Variants in TENM3 observed in about 807,000 individuals in gnomAD.
The protein encoded by TENM3 is teneurin transmembrane protein 3.
Under a neutral mutation model 255.1 loss-of-function variants are expected in TENM3, and 63 were observed. The ratio of observed to expected loss-of-function variants is 0.25; its 90% confidence interval spans 0.20 to 0.30. The LOEUF (loss-of-function observed/expected upper bound fraction) is 0.30, where lower values mean the gene tolerates loss of function less well. Among genes scored for constraint, TENM3 ranks in the 10% least tolerant of loss-of-function variants. The probability of loss-of-function intolerance (pLI) is 1.00; values close to 1 mark genes in which losing one functional copy is unlikely to be tolerated. For synonymous variants in TENM3, 1,306 were observed against 1,322.3 expected, an observed-to-expected ratio of 0.99 and a Z score of 0.27; for missense variants, 2,929 against 3,461.1, an observed-to-expected ratio of 0.85 and a Z score of 3.86.
the TENM3 span, among the ~76,000 whole-genome samples, chr4:181,477,175 C>T: frequency 6.6e-6 from 1 of 152,076 alleles, no homozygotes; most frequent in Non-Finnish European, 1.5e-5. Flanking sequence ...TCCCTTCCAC[C>T]ACCGGCTAGT....
At chr4:182,704,487 T>G (rs1423886385) in intron 12 of TENM3, among the ~76,000 whole-genome samples, 1 of 152,262 alleles carries the variant, frequency 6.6e-6, no homozygotes, top group Admixed American at 6.5e-5. Context: ...CAGTGCTGAC[T>G]TTATAAAATG....
the TENM3 span, among the ~76,000 whole-genome samples, chr4:181,557,092 T>A: frequency 6.6e-6 from 1 of 152,300 alleles, no homozygotes; most frequent in Non-Finnish European, 1.5e-5. Flanking sequence ...TGTGCAAATT[T>A]GCAACAGGTA....
At chr4:182,522,932 CCCTT>C (rs1290294172) in intron 3 of TENM3, among the ~76,000 whole-genome samples, 1 of 152,170 alleles carries the variant, frequency 6.6e-6, no homozygotes, top group Non-Finnish European at 1.5e-5. Flanking sequence ...GTGAGCATTT[CCCTT>C]CCTTCGCATC....
At chr4:182,236,090 G>A (rs1756887138) in intron 1 of TENM3, among the ~76,000 whole-genome samples, 1 of 152,174 alleles carries the variant, frequency 6.6e-6, no homozygotes, top group Non-Finnish European at 1.5e-5. Flanking sequence ...AGAAACGGGA[G>A]CAGAGTCCCT....
intron 1 of TENM3, among the ~76,000 whole-genome samples, chr4:182,174,983 C>G (rs1198610033): frequency 6.6e-6 from 1 of 151,830 alleles, no homozygotes; most frequent in Non-Finnish European, 1.5e-5. Flanking sequence ...GAAAAAAAAT[C>G]CTTTAAAGGC....
the TENM3 span, among the ~76,000 whole-genome samples, chr4:181,462,577 T>C: frequency 6.6e-6 from 1 of 152,236 alleles, no homozygotes; most frequent in South Asian, 2.1e-4. Context: ...TGCCTGGTTT[T>C]CAAATTTTTT....
At chr4:182,735,899 G>A (rs1389239474) in intron 16 of TENM3, among the ~76,000 whole-genome samples, 2 of 152,194 alleles carry the variant, frequency 1.3e-5, no homozygotes, top group Admixed American at 6.5e-5. Flanking sequence ...ACACTGACTG[G>A]TAATCTATGG....
At chr4:181,961,483 G>A in the TENM3 span, among the ~76,000 whole-genome samples, 3 of 152,014 alleles carry the variant, frequency 2.0e-5, no homozygotes, top group Admixed American at 6.6e-5. Context: ...CGTAGTGTGC[G>A]ATCTCGACTC....
the TENM3 span, among the ~76,000 whole-genome samples, chr4:181,768,306 G>C: frequency 6.6e-6 from 1 of 152,152 alleles, no homozygotes; most frequent in South Asian, 2.1e-4. Flanking sequence ...TAGGGGCCCG[G>C]GATGACGCTA....
chr4:181,556,444 TTTAA>T, the TENM3 span, among the ~76,000 whole-genome samples: 2 of 152,300 alleles, frequency 1.3e-5, no homozygotes, highest in South Asian at 4.1e-4. Flanking sequence ...ATTTATAAAC[TTTAA>T]TTAACATTGA....
At chr4:182,522,108 T>C (rs2151788201) in intron 3 of TENM3, among the ~76,000 whole-genome samples, 1 of 152,368 alleles carries the variant, frequency 6.6e-6, no homozygotes, top group Admixed American at 6.5e-5. Flanking sequence ...TTGATGCATG[T>C]GTACAATGTG....
the TENM3 span, among the ~76,000 whole-genome samples, chr4:182,115,033 T>C: frequency 0.26 from 40,038 of 151,726 alleles, 6,026 homozygotes; most frequent in Non-Finnish European, 0.35. Flanking sequence ...ATACAAAAAT[T>C]AGCCAGGCAT....
intron 3 of TENM3, among the ~76,000 whole-genome samples, chr4:182,454,939 A>G (rs528399872): frequency 6.6e-6 from 1 of 152,354 alleles, no homozygotes; most frequent in African/African-American, 2.4e-5. Flanking sequence ...AGTTTAGCGT[A>G]TGCTTCACTT....
chr4:182,207,919 C>A (rs1404789232), intron 1 of TENM3, among the ~76,000 whole-genome samples: 4 of 152,156 alleles, frequency 2.6e-5, no homozygotes, highest in Non-Finnish European at 4.4e-5. Context: ...TAAGTTATCT[C>A]AAATGGTCAT....
At chr4:181,493,213 T>G in the TENM3 span, among the ~76,000 whole-genome samples, 7 of 150,748 alleles carry the variant, frequency 4.6e-5, no homozygotes, top group African/African-American at 1.7e-4. Flanking sequence ...GGTGGATCAC[T>G]TGAACCCAGG....
chr4:182,760,625 A>G (rs1763110767), intron 22 of TENM3, among the ~76,000 whole-genome samples: 1 of 152,188 alleles, frequency 6.6e-6, no homozygotes, highest in African/African-American at 2.4e-5. Context: ...TGTGAGCTAT[A>G]TTCAGATTCA....
chr4:182,393,988 T>G (rs1768623548), intron 3 of TENM3, among the ~76,000 whole-genome samples: 3 of 152,196 alleles, frequency 2.0e-5, no homozygotes, highest in Non-Finnish European at 4.4e-5. Flanking sequence ...AGAACAATTA[T>G]AGTCTCAGAG....
chr4:182,178,510 A>ACTG (rs1752655400), intron 1 of TENM3, among the ~76,000 whole-genome samples: 1 of 152,150 alleles, frequency 6.6e-6, no homozygotes, highest in Admixed American at 6.6e-5. Context: ...ACGTACTAAC[A>ACTG]CTGCGTAGAA....
At chr4:182,392,417 C>G (rs902166206) in intron 3 of TENM3, among the ~76,000 whole-genome samples, 9 of 152,204 alleles carry the variant, frequency 5.9e-5, no homozygotes, top group African/African-American at 1.9e-4. Context: ...AAGCTCACAC[C>G]CCAGTGTAAC....
Sources: allele counts gnomAD v4.1 joint callset (sites outside exome capture counted in the v4.1 genomes callset), GRCh38; gene constraint gnomAD v4.1.1; transcripts MANE v1.5; gene names NCBI Gene and HGNC (gene_info 2026-07-23, HGNC 2026-07-21).